EFL1: variants seen among roughly 807,000 people sequenced by gnomAD.
The protein encoded by EFL1 is elongation factor-like GTPase 1.
In EFL1, 76 loss-of-function variants were observed where a neutral mutation model predicts 126.7. The ratio of observed to expected loss-of-function variants is 0.60; its 90% CI spans 0.50 to 0.73. EFL1 has a LOEUF of 0.73. Ranked by LOEUF, EFL1 falls within the 30% of genes least tolerant of loss-of-function variation. The pLI is 0.00. For synonymous variants in EFL1, 410 were observed against 448.4 expected (o/e 0.91, Z 1.08); for missense variants, 1,128 against 1,343.2 (o/e 0.84, Z 2.50).
chr15:82,217,637 G>A (rs1212183775), intron 14 of EFL1, among the ~76,000 whole-genome samples: 1 of 152,086 alleles, frequency 6.6e-6, no homozygotes, highest in Non-Finnish European at 1.5e-5. Flanking sequence ...TACACAGGTT[G>A]TAAAACTATA....
Position 82,130,299 on chromosome 15 carries a change from A to T in EFL1, c.*74T>A. The T allele has an allele frequency of 6.7e-7, 1 of 1,485,310 alleles. No individual in the cohort carries two copies. Among genetic ancestry groups the T allele is most frequent in the Non-Finnish European group, 9.1e-7 (1 of 1,103,134 alleles). The allele number at this position is 1,485,310 out of a possible 1,614,324, so 92.0% of individuals were successfully genotyped here. ...AACAGAGATAATGTGGCAAAAAGAA[A>T]TTTTCCCAATATTAAACCCTTGATG... is the stretch of plus-strand genomic sequence containing the variant. On this transcript the variant is annotated 3_prime_UTR_variant, in exon 20 of 20. Transcript: ENST00000268206.
chr15:82,202,472 A>G (rs1313942669), intron 15 of EFL1, among the ~76,000 whole-genome samples: 3 of 152,204 alleles, frequency 2.0e-5, no homozygotes, highest in Non-Finnish European at 4.4e-5. Context: ...AGTGATAACA[A>G]TTATGTTGCT....
chr15:82,216,665 C>A (rs929197513), intron 14 of EFL1, among the ~76,000 whole-genome samples: 1 of 152,008 alleles, frequency 6.6e-6, no homozygotes, highest in Non-Finnish European at 1.5e-5. Context: ...AAAAAATGAA[C>A]CTGGATGCCT....
chr15:82,258,197 A>T (rs1410836729), intron 3 of EFL1, among the ~76,000 whole-genome samples: 1 of 152,210 alleles, frequency 6.6e-6, no homozygotes, highest in African/African-American at 2.4e-5. Context: ...TCTACTGCCA[A>T]GTAAATTATT....
At chr15:82,256,189 C>A (rs1438902341) in intron 3 of EFL1, among the ~76,000 whole-genome samples, 1 of 152,138 alleles carries the variant, frequency 6.6e-6, no homozygotes, top group African/African-American at 2.4e-5. Flanking sequence ...CAGCTCTTTG[C>A]AGCCTCAAAC....
chr15:82,215,668 G>C (rs1204113359), intron 14 of EFL1: 1 of 152,094 alleles, frequency 6.6e-6, no homozygotes, highest in African/African-American at 2.4e-5. Context: ...CTGCCCTAAT[G>C]CTATGAAGGG....
At chr15:82,219,890 G>A in intron 13 of EFL1, 72 bp from the exon 14 acceptor site, 1 of 1,528,940 alleles carries the variant, frequency 6.5e-7, no homozygotes, top group East Asian at 2.3e-5. Flanking sequence ...AATATAGAAG[G>A]AGGAGTGAAT....
At chr15:82,193,869 T>G (rs1035001262) in intron 15 of EFL1, among the ~76,000 whole-genome samples, 1 of 152,190 alleles carries the variant, frequency 6.6e-6, no homozygotes, top group African/African-American at 2.4e-5. Flanking sequence ...CAAACTATTG[T>G]TGCATTTGGG....
intron 4 of EFL1, among the ~76,000 whole-genome samples, chr15:82,245,405 G>A (rs2074962895): frequency 6.6e-6 from 1 of 152,028 alleles, no homozygotes; most frequent in Non-Finnish European, 1.5e-5. Flanking sequence ...CTCCCAAAGT[G>A]CTGGGATTAC....
In EFL1 at chr15:82,250,009, C is replaced by T. The variant is rs529027632; in HGVS notation, c.244+2682G>A. Among the ~76,000 whole-genome samples, 35 of 152,092 alleles carry T rather than the reference C, an allele frequency of 2.3e-4. No individual in the cohort carries two copies. The South Asian group carries it at 7.3e-3, about 32-fold the overall frequency. On this transcript the variant is annotated intron_variant, in intron 4 of 19. Transcript: ENST00000268206. ...AACTTGCATTTAGTACACAGATTCTCAAATAAGAGGGCATTCGAAGTGGGT... is the reference window on the plus strand; with the variant it reads ...AACTTGCATTTAGTACACAGATTCTTAAATAAGAGGGCATTCGAAGTGGGT...
At chr15:82,252,397 G>A (rs1190257248) in intron 4 of EFL1, among the ~76,000 whole-genome samples, 1 of 152,160 alleles carries the variant, frequency 6.6e-6, no homozygotes, top group Admixed American at 6.5e-5. Context: ...GAATAGTAAG[G>A]CTGAACCAGC....
chr15:82,141,582 C>T (rs922225317), intron 18 of EFL1, among the ~76,000 whole-genome samples: 3 of 150,860 alleles, frequency 2.0e-5, no homozygotes, highest in African/African-American at 7.3e-5. Context: ...GCAGGAGAAT[C>T]GCTTGGAGGA....
intron 8 of EFL1, 107 bp from the exon 9 acceptor site, chr15:82,229,217 A>T (rs1422421623): frequency 1.1e-6 from 1 of 873,800 alleles, no homozygotes. Context: ...CTACTTGAAA[A>T]TATTTATTCA....
At chr15:82,246,023 T>G (rs1445732102) in intron 4 of EFL1, among the ~76,000 whole-genome samples, 2 of 151,982 alleles carry the variant, frequency 1.3e-5, no homozygotes, top group Non-Finnish European at 2.9e-5. Flanking sequence ...TAAGTTTTCT[T>G]TTGCTGCACA....
intron 15 of EFL1, among the ~76,000 whole-genome samples, chr15:82,187,539 A>T (rs1327241903): frequency 2.0e-5 from 3 of 152,120 alleles, no homozygotes; most frequent in African/African-American, 7.2e-5. Context: ...TTTTCTTGTG[A>T]CCTAGTAAAT....
intron 15 of EFL1, among the ~76,000 whole-genome samples, chr15:82,169,676 A>AT (rs2074113935): frequency 6.7e-6 from 1 of 150,324 alleles, no homozygotes; most frequent in African/African-American, 2.4e-5. Flanking sequence ...TTTTGCTTCT[A>AT]TTTTTTTCTC....
intron 18 of EFL1, among the ~76,000 whole-genome samples, chr15:82,147,369 C>T (rs1246700304): frequency 1.3e-5 from 2 of 152,080 alleles, no homozygotes; most frequent in Admixed American, 1.3e-4. Context: ...GTGACTCACG[C>T]CTGTAATCCC....
intron 15 of EFL1, among the ~76,000 whole-genome samples, chr15:82,176,487 T>C: frequency 6.6e-6 from 1 of 151,960 alleles, no homozygotes; most frequent in East Asian, 1.9e-4. Flanking sequence ...TATAAATCAA[T>C]ACAAAAAAGG....
intron 9 of EFL1, 98 bp from the exon 10 acceptor site, chr15:82,228,425 T>C: frequency 7.0e-7 from 1 of 1,429,634 alleles, no homozygotes; most frequent in Non-Finnish European, 9.3e-7. Context: ...CCCTAATGTG[T>C]TACTTTTTCA....
Sources: allele counts gnomAD v4.1 joint callset (sites outside exome capture counted in the v4.1 genomes callset), GRCh38; gene constraint gnomAD v4.1.1; transcripts MANE v1.5; gene names NCBI Gene and HGNC (gene_info 2026-07-23, HGNC 2026-07-21).